Variants in HMGCS2 observed in about 807,000 individuals in gnomAD.
The protein encoded by HMGCS2 is 3-hydroxy-3-methylglutaryl-CoA synthase 2.
In HMGCS2, 50 loss-of-function variants were observed where a neutral mutation model predicts 57.4. That is an observed-to-expected ratio of 0.87 (90% confidence interval 0.69 to 1.10). HMGCS2 has a LOEUF of 1.10. Ranked by LOEUF, HMGCS2 falls within the 50% of genes least tolerant of loss-of-function variation. The pLI is 0.00. For synonymous variants in HMGCS2, 254 were observed against 245.1 expected, an observed-to-expected ratio of 1.04 and a Z score of -0.34; for missense variants, 627 against 636.5, an observed-to-expected ratio of 0.99 and a Z score of 0.16.
chr1:119,764,660 T>C (rs747971689), intron 1 of HMGCS2, 34 bp from the exon 2 acceptor site: 9 of 1,485,122 alleles, frequency 6.1e-6, no homozygotes, highest in South Asian at 3.5e-5. Flanking sequence ...CTCCCACTAA[T>C]GGTCTGTAGA....
At chr1:119,749,510 AGGCTCCCG>A (rs909209227) in intron 9 of HMGCS2, among the ~76,000 whole-genome samples, 1 of 151,870 alleles carries the variant, frequency 6.6e-6, no homozygotes, top group African/African-American at 2.4e-5. Flanking sequence ...ACATGCACAC[AGGCTCCCG>A]GGCAGTACCA....
At chr1:119,763,744 G>GT (rs924334447) in intron 2 of HMGCS2, among the ~76,000 whole-genome samples, 4 of 152,168 alleles carry the variant, frequency 2.6e-5, no homozygotes, top group African/African-American at 9.7e-5. Flanking sequence ...CTATGAAGGT[G>GT]TTTTTTTCCC....
At chr1:119,756,160 C>A (rs1242959359) in intron 5 of HMGCS2, among the ~76,000 whole-genome samples, 2 of 152,144 alleles carry the variant, frequency 1.3e-5, no homozygotes, top group Non-Finnish European at 2.9e-5. Context: ...TCCACTACTG[C>A]CCATTTTCCC....
chr1:119,768,627 G>T (rs1276420517), intron 1 of HMGCS2, 114 bp downstream of exon 1: 7 of 758,088 alleles, frequency 9.2e-6, no homozygotes, highest in Non-Finnish European at 1.7e-5. Context: ...CTTGTCTAAG[G>T]CTGCTGTGCA....
intron 8 of HMGCS2, among the ~76,000 whole-genome samples, chr1:119,752,071 CAT>C (rs1310427269): frequency 2.6e-5 from 4 of 152,078 alleles, no homozygotes; most frequent in East Asian, 1.9e-4. Flanking sequence ...TTGTCGATAA[CAT>C]ATTTATATAG....
At chr1:119,764,649 A>G (rs1309529302) in intron 1 of HMGCS2, 23 bp from the exon 2 acceptor site, 5 of 1,538,880 alleles carry the variant, frequency 3.2e-6, no homozygotes, top group Admixed American at 3.5e-5. Context: ...TAACAGTCAA[A>G]CTCCCACTAA....
chr1:119,765,073 T>C (rs1053468846), intron 1 of HMGCS2, among the ~76,000 whole-genome samples: 2 of 152,246 alleles, frequency 1.3e-5, no homozygotes, highest in African/African-American at 4.8e-5. Flanking sequence ...ATTACTAATA[T>C]AGTTGGAACT....
intron 2 of HMGCS2, 98 bp downstream of exon 2, chr1:119,764,074 A>T: frequency 1.0e-6 from 1 of 970,828 alleles, no homozygotes; most frequent in Non-Finnish European, 1.6e-6. Context: ...TCCTTCCTTC[A>T]CTAGATGAAG....
At chr1:119,757,238 C>T in intron 5 of HMGCS2, 35 bp downstream of exon 5, 2 of 1,613,814 alleles carry the variant, frequency 1.2e-6, no homozygotes, top group Non-Finnish European at 1.7e-6. Context: ...GCTCACACCT[C>T]ACCAGCCTCT....
At chr1:119,752,764 G>T in intron 7 of HMGCS2, 90 bp from the exon 8 acceptor site, 1 of 1,472,846 alleles carries the variant, frequency 6.8e-7, no homozygotes, top group Non-Finnish European at 9.5e-7. Flanking sequence ...AGGTTCTGTG[G>T]GAGGTTACAC....
chr1:119,755,056 A>T (rs1282575841), intron 6 of HMGCS2, among the ~76,000 whole-genome samples: 5 of 151,848 alleles, frequency 3.3e-5, no homozygotes. Context: ...TCATTCTGTC[A>T]TCCAGGTTGG....
chr1:119,754,828 A>G (rs619167), intron 6 of HMGCS2, among the ~76,000 whole-genome samples: 63,294 of 152,000 alleles, frequency 0.42, 13,970 homozygotes, highest in East Asian at 0.57. Flanking sequence ...TGAGACAAAA[A>G]TATGCATACC....
Position 119,753,347 on chromosome 1 carries a change from G to T in HMGCS2, c.1227C>A (p.Ala409=). The T allele has an allele frequency of 1.9e-6, 3 of 1,613,086 alleles. No individual in the cohort carries two copies. Among genetic ancestry groups the T allele is most frequent in the Non-Finnish European group, 2.5e-6 (3 of 1,179,766 alleles). Residue 409 remains alanine (A), a synonymous_variant, in exon 7 of 10, where the codon GCC becomes GCA. Transcript: ENST00000369406. ...CTGCTAAACCAGAGCCATAAGAGAAGGCACCAATCCTGGAGCCAGCCAGTT... is the reference window on the plus strand; with the variant it reads ...CTGCTAAACCAGAGCCATAAGAGAATGCACCAATCCTGGAGCCAGCCAGTT... The part of the protein sequence containing the change: ...AQELAGSRIG[A]FSYGSGLAAS...
intron 1 of HMGCS2, among the ~76,000 whole-genome samples, chr1:119,766,582 T>C (rs1653239116): frequency 6.6e-6 from 1 of 152,222 alleles, no homozygotes; most frequent in Non-Finnish European, 1.5e-5. Context: ...ATCTTCCCTA[T>C]TTATTTGACT....
chr1:119,761,740 T>TG (rs1462504183), intron 2 of HMGCS2, among the ~76,000 whole-genome samples: 2 of 151,440 alleles, frequency 1.3e-5, no homozygotes, highest in Non-Finnish European at 2.9e-5. Flanking sequence ...CACTCCAGCC[T>TG]GGCAACAGAT....
At chr1:119,768,271 C>A (rs1253286968) in intron 1 of HMGCS2, among the ~76,000 whole-genome samples, 1 of 152,228 alleles carries the variant, frequency 6.6e-6, no homozygotes, top group Non-Finnish European at 1.5e-5. Context: ...ACACACATTT[C>A]CCCTTTTCAT....
At chr1:119,752,768 G>C (rs1456394421) in intron 7 of HMGCS2, 94 bp from the exon 8 acceptor site, 4 of 1,430,024 alleles carry the variant, frequency 2.8e-6, no homozygotes, top group Non-Finnish European at 3.9e-6. Context: ...TCTGTGGGAG[G>C]TTACACCCTG....
rs2101273865 is a variant in HMGCS2 at position 119,764,450 on chromosome 1, C to T, written c.281G>A (p.Gly94Asp). ...YTVGLGQTRM[G>D]FCSVQEDINS... ...GATGTCCTCTTGGACTGAGCAGAAG[C>T]CCATACGGGTCTGGCCCAAGCCCAC... Residue 94 changes from glycine (G) to aspartate (D), a missense_variant, in exon 2 of 10, where the codon GGC (glycine) becomes GAC (aspartate). Physicochemically the swap from Gly to Asp is moderately conservative, Grantham distance 94. Transcript: ENST00000369406. 1 of 1,613,578 alleles carries T rather than the reference C, an allele frequency of 6.2e-7. No individual in the cohort carries two copies.
rs148155079 is a variant in HMGCS2 at position 119,753,572 on chromosome 1, C to A, written c.1188-186G>T. 1.6e-3 allele frequency among the ~76,000 whole-genome samples: 247 copies of A among 152,272 alleles called. 3 individuals carry two copies. The highest frequency in any genetic ancestry group is 1.2e-3 in the South Asian group (6 of 4,814). On this transcript the variant is annotated intron_variant, in intron 6 of 9. Coordinates refer to ENST00000369406, the MANE Select transcript of HMGCS2 (RefSeq NM_005518.4). Reference sequence around the variant, plus strand: ...AGGCACCCTACATAAAGAGGGACTTCTGGTAGACCCCAGGGACAGGCCTTT... The same window carrying A: ...AGGCACCCTACATAAAGAGGGACTTATGGTAGACCCCAGGGACAGGCCTTT...
Sources: gnomAD v4.1 joint callset for allele counts (sites outside exome capture counted in the v4.1 genomes callset) on GRCh38, gnomAD v4.1.1 for gene constraint, MANE v1.5 for transcripts, NCBI Gene and HGNC (gene_info 2026-07-23, HGNC 2026-07-21) for gene names.